Variants in TMED3 observed in about 807,000 individuals in gnomAD.
TMED3 encodes the protein transmembrane p24 trafficking protein 3, also known as transmembrane emp24 domain-containing protein 3.
Under a neutral mutation model 15.0 loss-of-function variants are expected in TMED3, and 9 were observed. That is an observed-to-expected ratio of 0.60 (90% CI 0.36 to 1.04). TMED3 has a LOEUF of 1.04. Ranked by LOEUF, TMED3 falls within the 50% of genes least tolerant of loss-of-function variation. The pLI is 0.01. For synonymous variants in TMED3, 117 were observed against 121.4 expected, an observed-to-expected ratio of 0.96 and a Z score of 0.24; for missense variants, 267 against 278.9, an observed-to-expected ratio of 0.96 and a Z score of 0.30.
intron 2 of TMED3, chr15:79,382,885 G>T: frequency 7.5e-7 from 1 of 1,341,938 alleles, no homozygotes; most frequent in Non-Finnish European, 1.0e-6. Flanking sequence ...TCATACTATT[G>T]TTCTTACCAA....
chr15:79,355,278 G>T (rs2058914406), intron 2 of TMED3, among the ~76,000 whole-genome samples: 1 of 152,176 alleles, frequency 6.6e-6, no homozygotes, highest in African/African-American at 2.4e-5. Flanking sequence ...TAGCTCACTT[G>T]TATGATCACA....
exon 3 of TMED3, chr15:79,413,741 G>A (rs1894028565): frequency 6.6e-6 from 1 of 152,204 alleles, no homozygotes; most frequent in African/African-American, 2.4e-5. Flanking sequence ...GTCCTGGTTG[G>A]ACAGTGTGTA....
intron 2 of TMED3, among the ~76,000 whole-genome samples, chr15:79,395,537 A>T (rs973334011): frequency 5.9e-5 from 9 of 151,408 alleles, no homozygotes; most frequent in East Asian, 1.9e-4. Flanking sequence ...ACTACACTTT[A>T]AAAAAAAAGA....
intron 2 of TMED3, among the ~76,000 whole-genome samples, chr15:79,328,023 T>G (rs2058793569): frequency 6.6e-6 from 1 of 152,348 alleles, no homozygotes; most frequent in Admixed American, 6.5e-5. Flanking sequence ...AAATGACATA[T>G]AAGTGTTGGA....
chr15:79,314,456 A>C (rs1368891593), intron 2 of TMED3: 25 of 434,534 alleles, frequency 5.8e-5, no homozygotes, highest in Non-Finnish European at 1.9e-5. Context: ...CATAATCTAG[A>C]AAAGGTTGGT....
At chr15:79,363,195 T>G (rs1227914283) in intron 2 of TMED3, among the ~76,000 whole-genome samples, 1 of 152,174 alleles carries the variant, frequency 6.6e-6, no homozygotes, top group Non-Finnish European at 1.5e-5. Context: ...TGAACACAAA[T>G]TCCAGGTGGA....
At chr15:79,386,934 CTTT>C (rs372149513) in intron 2 of TMED3, among the ~76,000 whole-genome samples, 3 of 137,330 alleles carry the variant, frequency 2.2e-5, no homozygotes, top group Non-Finnish European at 1.6e-5. Context: ...ATCTTTTAAT[CTTT>C]TTTTTTTTTT....
At chr15:79,397,680 C>T (rs1041072848) in intron 2 of TMED3, among the ~76,000 whole-genome samples, 3 of 152,208 alleles carry the variant, frequency 2.0e-5, no homozygotes, top group African/African-American at 7.2e-5. Context: ...CAGACTCTTG[C>T]ATCAGATTAT....
intron 2 of TMED3, among the ~76,000 whole-genome samples, chr15:79,314,963 AC>A (rs1285523561): frequency 6.6e-6 from 1 of 152,222 alleles, no homozygotes; most frequent in Non-Finnish European, 1.5e-5. Context: ...GAAGGAGCTC[AC>A]CAAATACTTG....
intron 2 of TMED3, 98 bp downstream of exon 2, chr15:79,314,103 A>G (rs1453278371): frequency 1.3e-6 from 2 of 1,499,788 alleles, no homozygotes; most frequent in African/African-American, 2.8e-5. Flanking sequence ...TCATCCATCC[A>G]GCTCCCAGTC....
At chr15:79,394,443 A>C (rs1893737770) in intron 2 of TMED3, among the ~76,000 whole-genome samples, 1 of 152,212 alleles carries the variant, frequency 6.6e-6, no homozygotes, top group Non-Finnish European at 1.5e-5. Flanking sequence ...GTTTCCTAAA[A>C]AATACACATG....
exon 3 of TMED3, chr15:79,411,692 C>A: frequency 1.8e-6 from 1 of 546,654 alleles, no homozygotes; most frequent in Non-Finnish European, 3.3e-6. Flanking sequence ...CCTCTGGAAT[C>A]CCGGCAGGAG....
chr15:79,359,041 A>G (rs1893072511), intron 2 of TMED3, among the ~76,000 whole-genome samples: 1 of 152,176 alleles, frequency 6.6e-6, no homozygotes, highest in African/African-American at 2.4e-5. Context: ...CTCATCTATC[A>G]GGAGTACAGC....
intron 2 of TMED3, among the ~76,000 whole-genome samples, chr15:79,392,203 G>A (rs1893705612): frequency 6.6e-6 from 1 of 152,074 alleles, no homozygotes; most frequent in African/African-American, 2.4e-5. Flanking sequence ...TAGGTCCTGT[G>A]AGATTTATGC....
intron 2 of TMED3, among the ~76,000 whole-genome samples, chr15:79,394,734 A>G (rs1279644821): frequency 2.0e-5 from 3 of 152,226 alleles, no homozygotes; most frequent in Admixed American, 1.3e-4. Flanking sequence ...AGAGAATAAT[A>G]TCATACCTAT....
intron 1 of TMED3, 97 bp downstream of exon 1, chr15:79,311,514 A>T: frequency 7.1e-7 from 1 of 1,407,796 alleles, no homozygotes. Context: ...CGAATTAGCC[A>T]CAGGCTACAG....
At chr15:79,377,385 G>A (rs1595905276) in intron 2 of TMED3, among the ~76,000 whole-genome samples, 1 of 151,760 alleles carries the variant, frequency 6.6e-6, no homozygotes, top group African/African-American at 2.4e-5. Context: ...TCTTATTTTT[G>A]TACTTTTACA....
At chr15:79,353,489 C>A (rs2058906157) in intron 2 of TMED3, among the ~76,000 whole-genome samples, 1 of 56,720 alleles carries the variant, frequency 1.8e-5, no homozygotes, top group African/African-American at 7.9e-5. Context: ...GTCCCAATGA[C>A]TATGGCAACA....
intron 2 of TMED3, among the ~76,000 whole-genome samples, chr15:79,376,092 GTT>G (rs199728545): frequency 8.9e-6 from 1 of 112,064 alleles, no homozygotes; most frequent in African/African-American, 3.6e-5. Context: ...CTAGAGAAAG[GTT>G]TTTTTTTTTT....
Sources: gnomAD v4.1 joint callset for allele counts (sites outside exome capture counted in the v4.1 genomes callset) on GRCh38, gnomAD v4.1.1 for gene constraint, MANE v1.5 for transcripts, NCBI Gene and HGNC (gene_info 2026-07-23, HGNC 2026-07-21) for gene names.